BRIP1: variants seen among roughly 807,000 people sequenced by gnomAD.
BRIP1 encodes the protein BRCA1 interacting DNA helicase 1, also known as Fanconi anemia group J protein.
A neutral mutation model predicts 119.7 loss-of-function variants in BRIP1; 88 were observed. The ratio of observed to expected loss-of-function variants is 0.74; its 90% confidence interval spans 0.62 to 0.88. The LOEUF (loss-of-function observed/expected upper bound fraction) is 0.88, where lower values mean the gene tolerates loss of function less well. Ranked by LOEUF, BRIP1 falls within the 40% of genes least tolerant of loss-of-function variation. The pLI, the probability that BRIP1 is intolerant of heterozygous loss-of-function variation, is 0.00. For missense variants in BRIP1, 1,259 were observed against 1,455.4 expected, an observed-to-expected ratio of 0.87 and a Z score of 2.20; for synonymous variants, 443 against 496.5, an observed-to-expected ratio of 0.89 and a Z score of 1.43.
rs1462796322 is a variant in BRIP1 at position 61,799,559 on chromosome 17, G to A, written c.1141-260C>T. Among the ~76,000 whole-genome samples, 3 of 152,014 alleles carry A rather than the reference G, an allele frequency of 2.0e-5. No individual in the cohort carries two copies. Among genetic ancestry groups the A allele is most frequent in the Non-Finnish European group, 4.4e-5 (3 of 67,982 alleles). ...TCGACAGCAACAAAAATATGTCAGT[G>A]AGTCTGGATCAAGGTACCACAGGCT... On this transcript the variant is annotated intron_variant, in intron 8 of 19. Transcript: ENST00000259008. This position sits in a 1 kb window ranked among gnomAD's most constrained non-coding sequence, Gnocchi z 5.1.
intron 16 of BRIP1, among the ~76,000 whole-genome samples, chr17:61,731,831 A>G (rs2076847273): frequency 6.6e-6 from 1 of 151,604 alleles, no homozygotes; most frequent in African/African-American, 2.4e-5. Flanking sequence ...TATAAGCAAC[A>G]TGAGACAAGG....
At chr17:61,790,534 G>T (rs936034323) in intron 10 of BRIP1, among the ~76,000 whole-genome samples, 1 of 152,036 alleles carries the variant, frequency 6.6e-6, no homozygotes, top group African/African-American at 2.4e-5. Flanking sequence ...CAACAAGGGC[G>T]AAACTCCATC....
chr17:61,780,434 A>G lies in BRIP1; in HGVS notation c.1795-33T>C, dbSNP rs1412016871. On this transcript the variant is annotated intron_variant, in intron 12 of 19. Transcript: ENST00000259008. The surrounding 1 kb of genome is among the most constrained non-coding windows in gnomAD (Gnocchi z 5.4). ...AAAACAACATTAGATAAATAAAATT[A>G]TCTTTAGAAGAGGCTGGGCAAAGTG... is the stretch of plus-strand genomic sequence containing the variant. 2.5e-6 allele frequency: 4 copies of G among 1,586,758 alleles called. No homozygotes were observed. Among genetic ancestry groups the G allele is most frequent in the Non-Finnish European group, 3.5e-6 (4 of 1,156,186 alleles).
intron 14 of BRIP1, among the ~76,000 whole-genome samples, chr17:61,763,666 T>A (rs938418573): frequency 5.3e-5 from 8 of 152,128 alleles, no homozygotes; most frequent in Non-Finnish European, 1.0e-4. Context: ...GAAAGACTTT[T>A]CAAAAATGCA....
In BRIP1 at chr17:61,844,290, TA is replaced by T. The variant is rs2078698084; in HGVS notation, c.627+2810del. Among the ~76,000 whole-genome samples the T allele has an allele frequency of 6.6e-6, 1 of 151,796 alleles. No individual in the cohort carries two copies. The highest frequency in any genetic ancestry group is 1.5e-5 in the Non-Finnish European group (1 of 67,972). ...GTCCAAAGTCCATTCTCTTAACCAATAAAAACAAAACAAGCCAGGTGCAGTG... is the reference window on the plus strand; with the variant it reads ...GTCCAAAGTCCATTCTCTTAACCAATAAAACAAAACAAGCCAGGTGCAGTG... On this transcript the variant is annotated intron_variant, in intron 6 of 19. Transcript: ENST00000259008. This position sits in a 1 kb window ranked among gnomAD's most constrained non-coding sequence, Gnocchi z 4.7.
In BRIP1 at chr17:61,691,345, C is replaced by G. The variant is rs745912269; in HGVS notation, c.2575+2085G>C. 6.6e-6 allele frequency among the ~76,000 whole-genome samples: 1 copy of G among 152,022 alleles called. No individual in the cohort carries two copies. Among genetic ancestry groups the G allele is most frequent in the Non-Finnish European group, 1.5e-5 (1 of 67,986 alleles). On this transcript the variant is annotated intron_variant, in intron 18 of 19. Coordinates refer to ENST00000259008, the MANE Select transcript of BRIP1 (RefSeq NM_032043.3). This position sits in a 1 kb window ranked among gnomAD's most constrained non-coding sequence, Gnocchi z 5.0. ...ACTAAGGAGGCAAAAAACCTGTACA[C>G]TGGAAATTATAAAACATTGCTGAAA...
Position 61,700,444 on chromosome 17 carries a change from T to G in BRIP1, c.2493-6932A>C, listed in dbSNP as rs1238532625. ...GGAATGTCTTAATTTTTACCTTATTTCTGAAGGACAGTTTTGTTAGATATA... is the reference window on the plus strand; with the variant it reads ...GGAATGTCTTAATTTTTACCTTATTGCTGAAGGACAGTTTTGTTAGATATA... On this transcript the variant is annotated intron_variant, in intron 17 of 19. Coordinates refer to ENST00000259008, the MANE Select transcript of BRIP1 (RefSeq NM_032043.3). This position sits in a 1 kb window ranked among gnomAD's most constrained non-coding sequence, Gnocchi z 4.1. Among the ~76,000 whole-genome samples the G allele has an allele frequency of 6.6e-6, 1 of 152,224 alleles. No individual in the cohort carries two copies. The highest frequency in any genetic ancestry group is 1.5e-5 in the Non-Finnish European group (1 of 68,038).
rs2077261685 is a variant in BRIP1 at position 61,760,395 on chromosome 17, G to T, written c.2098-15804C>A. Among the ~76,000 whole-genome samples, 1 of 151,318 alleles carries T rather than the reference G, an allele frequency of 6.6e-6. No individual in the cohort carries two copies. The highest frequency in any genetic ancestry group is 2.4e-5 in the African/African-American group (1 of 41,186). ...ACTCCTCAAGGATCTAGAAAAAGAA[G>T]AACTAAGCCCAAAATTAACAGAAGG... On this transcript the variant is annotated intron_variant, in intron 14 of 19. Transcript: ENST00000259008. This position sits in a 1 kb window ranked among gnomAD's most constrained non-coding sequence, Gnocchi z 4.6.
At position 61,681,854 on chromosome 17, in the gene BRIP1, G is replaced by T. The variant is rs961062492; in HGVS notation, c.*1442C>A. The T allele has an allele frequency of 5.1e-6, 1 of 197,790 alleles. No homozygotes were observed. Among genetic ancestry groups the T allele is most frequent in the Non-Finnish European group, 1.0e-5 (1 of 95,534 alleles). 12.3% of individuals were successfully genotyped at this position (197,790 alleles called of 1,614,324 possible). On this transcript the variant is annotated 3_prime_UTR_variant, in exon 20 of 20. Coordinates refer to ENST00000259008, the MANE Select transcript of BRIP1 (RefSeq NM_032043.3). This position sits in a 1 kb window ranked among gnomAD's most constrained non-coding sequence, Gnocchi z 5.1. ...TATATAATGATTCATTTATCCAAAT[G>T]AAATGTAAAGTAAATCCTTACTGGA...
chr17:61,750,140 G>A (rs1429975887), intron 14 of BRIP1, among the ~76,000 whole-genome samples: 1 of 152,202 alleles, frequency 6.6e-6, no homozygotes, highest in Non-Finnish European at 1.5e-5. Context: ...GCACCACTGA[G>A]TATGCTACGA....
At position 61,700,441 on chromosome 17, in the gene BRIP1, A is replaced by G. The variant is rs1395411032; in HGVS notation, c.2493-6929T>C. ...TTGGGAATGTCTTAATTTTTACCTT[A>G]TTTCTGAAGGACAGTTTTGTTAGAT... On this transcript the variant is annotated intron_variant, in intron 17 of 19. Coordinates refer to ENST00000259008, the MANE Select transcript of BRIP1 (RefSeq NM_032043.3). This position sits in a 1 kb window ranked among gnomAD's most constrained non-coding sequence, Gnocchi z 4.1. Among the ~76,000 whole-genome samples the G allele has an allele frequency of 2.6e-5, 4 of 152,076 alleles. No homozygotes were observed. Among genetic ancestry groups the G allele is most frequent in the Admixed American group, 2.6e-4 (4 of 15,270 alleles).
rs1486623471 is a variant in BRIP1 at position 61,795,690 on chromosome 17, A to G, written c.1341-1961T>C. Among the ~76,000 whole-genome samples the G allele has an allele frequency of 2.0e-5, 3 of 152,220 alleles. No homozygotes were observed. The highest frequency in any genetic ancestry group is 2.1e-4 in the South Asian group (1 of 4,820). On this transcript the variant is annotated intron_variant, in intron 9 of 19. Transcript: ENST00000259008. The surrounding 1 kb of genome is among the most constrained non-coding windows in gnomAD (Gnocchi z 5.6). ...TTTAGGCTGCTTTCAAATCTTGACT[A>G]TTGTGAATAGTGCTGCAGCAAACAT...
rs1234592928 is a variant in BRIP1 at position 61,717,582 on chromosome 17, A to T, written c.2380-1519T>A. 6.6e-6 allele frequency among the ~76,000 whole-genome samples: 1 copy of T among 152,104 alleles called. No individual in the cohort carries two copies. The highest frequency in any genetic ancestry group is 1.5e-5 in the Non-Finnish European group (1 of 67,990). On this transcript the variant is annotated intron_variant, in intron 16 of 19. Transcript: ENST00000259008. This position sits in a 1 kb window ranked among gnomAD's most constrained non-coding sequence, Gnocchi z 4.1. The stretch of plus-strand genomic sequence containing the variant: ...TTCTGATTTGCATAGTTCTGAAGAA[A>T]AAATATGCTATTGTCCTATCTCTGT...
chr17:61,777,554 A>C (rs1356373022), intron 13 of BRIP1, among the ~76,000 whole-genome samples: 1 of 152,188 alleles, frequency 6.6e-6, no homozygotes, highest in Non-Finnish European at 1.5e-5. Context: ...CGGGCATCCC[A>C]CAACCCTCTG....
intron 16 of BRIP1, among the ~76,000 whole-genome samples, chr17:61,741,909 T>C (rs1163024181): frequency 1.3e-5 from 2 of 152,244 alleles, no homozygotes; most frequent in Non-Finnish European, 1.5e-5. Context: ...CAGCCTGTTC[T>C]CTGAAGCTTT....
At position 61,852,413 on chromosome 17, in the gene BRIP1, A is replaced by T. The variant is rs1351419378; in HGVS notation, c.380-3157T>A. On this transcript the variant is annotated intron_variant, in intron 4 of 19. Transcript: ENST00000259008. The surrounding 1 kb of genome is among the most constrained non-coding windows in gnomAD (Gnocchi z 4.9). Reference sequence around the variant, plus strand: ...GCTGGGCACGGTGGCTCACACTTGTAATTCAAGCACTTTGGGAGGCTGAGG... The same window carrying T: ...GCTGGGCACGGTGGCTCACACTTGTTATTCAAGCACTTTGGGAGGCTGAGG... 2.6e-5 allele frequency among the ~76,000 whole-genome samples: 4 copies of T among 152,246 alleles called. No homozygotes were observed. The East Asian group carries it at 7.7e-4, about 29-fold the overall frequency.
intron 14 of BRIP1, among the ~76,000 whole-genome samples, chr17:61,772,195 ATATATATATATAT>A (rs2077463449): frequency 2.5e-4 from 24 of 97,026 alleles, no homozygotes; most frequent in Admixed American, 1.0e-3. Flanking sequence ...ATATATATAT[ATATATATATATAT>A]AAAATGAAAT....
rs769918040 is a variant in BRIP1 at position 61,793,709 on chromosome 17, T to G, written c.1361A>C (p.Glu454Ala). ...SLINWLEANAEYLVERDYESA... is the reference protein window; with the variant it reads ...SLINWLEANAAYLVERDYESA... ...TTCATAATCTCTTTCTACAAGATATTCAGCGTTTGCTTCTAACCAACTGAA... is the reference window on the plus strand; with the variant it reads ...TTCATAATCTCTTTCTACAAGATATGCAGCGTTTGCTTCTAACCAACTGAA... The change falls in exon 10 of 20, where the codon GAA becomes GCA. Residue 454 changes from glutamate (E) to alanine (A), a missense_variant. Transcript: ENST00000259008. This position sits in a 1 kb window ranked among gnomAD's most constrained non-coding sequence, Gnocchi z 5.2. The G allele has an allele frequency of 2.5e-6, 4 of 1,610,684 alleles. No individual in the cohort carries two copies. The highest frequency in any genetic ancestry group is 3.4e-6 in the Non-Finnish European group (4 of 1,178,656).
Position 61,860,806 on chromosome 17 carries a change from A to T in BRIP1, c.93+641T>A, listed in dbSNP as rs1431471027. On this transcript the variant is annotated intron_variant, in intron 2 of 19. Coordinates refer to ENST00000259008, the MANE Select transcript of BRIP1 (RefSeq NM_032043.3). This position sits in a 1 kb window ranked among gnomAD's most constrained non-coding sequence, Gnocchi z 4.1. ...GGAATTTATACAACAATTAAAATGG[A>T]TTAAGAATCAACAGGGCTATACATT... 4.6e-5 allele frequency among the ~76,000 whole-genome samples: 7 copies of T among 152,252 alleles called. No homozygotes were observed. Among genetic ancestry groups the T allele is most frequent in the Non-Finnish European group, 1.5e-5 (1 of 68,040 alleles).
Sources: allele counts gnomAD v4.1 joint callset (sites outside exome capture counted in the v4.1 genomes callset), GRCh38; gene constraint gnomAD v4.1.1; non-coding constraint Gnocchi (gnomAD v3.1); transcripts MANE v1.5; gene names NCBI Gene and HGNC (gene_info 2026-07-23, HGNC 2026-07-21).